BLNK: variants seen among roughly 807,000 people sequenced by gnomAD.
BLNK encodes the protein B-cell linker protein.
A neutral mutation model predicts 73.5 loss-of-function variants in BLNK; 29 were observed. The observed-to-expected ratio is 0.39, with a 90% CI of 0.29 to 0.54. The LOEUF is 0.54. BLNK is among the 20% of genes least tolerant of loss of function. The probability of loss-of-function intolerance (pLI) is 0.61; values close to 1 mark genes in which losing one functional copy is unlikely to be tolerated. For synonymous variants in BLNK, 176 were observed against 200.8 expected, an observed-to-expected ratio of 0.88 and a Z score of 1.04; for missense variants, 460 against 562.8, an observed-to-expected ratio of 0.82 and a Z score of 1.85.
rs782148631 is a variant in BLNK at position 96,216,685 on chromosome 10, G to A, written c.575C>T (p.Pro192Leu). 6.2e-7 allele frequency: 1 copy of A among 1,613,892 alleles called. No individual in the cohort carries two copies. The highest frequency in any genetic ancestry group is 8.5e-7 in the Non-Finnish European group (1 of 1,179,970). ...VEDNDENYIHPTESSSPPPEK... is the reference protein window; with the variant it reads ...VEDNDENYIHLTESSSPPPEK... ...AGGTGGAGGTGAACTGCTTTCTGTG[G>A]GATGAATATAGTTTTCATCATTATC... is the stretch of plus-strand genomic sequence containing the variant. Residue 192 changes from proline to leucine, a missense_variant, in exon 7 of 17, where the codon CCC becomes CTC. Physicochemically the swap from Pro to Leu is moderately conservative, Grantham distance 98. This residue lies in a region of BLNK where 233 missense variants were observed against 232.1 expected (regional missense o/e 1.00). Coordinates refer to ENST00000224337, the MANE Select transcript of BLNK (RefSeq NM_013314.4).
chr10:96,223,753 G>A (rs1189822248), intron 6 of BLNK, 73 bp downstream of exon 6: 8 of 1,532,560 alleles, frequency 5.2e-6, no homozygotes, highest in African/African-American at 1.4e-5. Flanking sequence ...GACAGCCAGC[G>A]GGCAGGCTGT....
At chr10:96,202,389 A>G (rs1241497267) in intron 13 of BLNK, among the ~76,000 whole-genome samples, 3 of 152,178 alleles carry the variant, frequency 2.0e-5, no homozygotes, top group African/African-American at 7.2e-5. Context: ...CAGTGGAAGC[A>G]GTGAGAGTGG....
At chr10:96,239,974 T>C (rs1842832188) in intron 3 of BLNK, among the ~76,000 whole-genome samples, 1 of 152,162 alleles carries the variant, frequency 6.6e-6, no homozygotes, top group African/African-American at 2.4e-5. Flanking sequence ...TGTTGGTTCA[T>C]CTAAAAGTGG....
At chr10:96,263,493 A>G (rs1441681354) in intron 1 of BLNK, among the ~76,000 whole-genome samples, 3 of 152,244 alleles carry the variant, frequency 2.0e-5, no homozygotes, top group Non-Finnish European at 4.4e-5. Context: ...GCATTGAAAT[A>G]GCCATGCTGG....
intron 1 of BLNK, among the ~76,000 whole-genome samples, chr10:96,249,346 G>C (rs1162002694): frequency 6.6e-6 from 1 of 152,218 alleles, no homozygotes; most frequent in African/African-American, 2.4e-5. Flanking sequence ...GTTACTTTTT[G>C]GTGCAGCAGT....
At chr10:96,236,138 C>T (rs1842681694) in intron 3 of BLNK, among the ~76,000 whole-genome samples, 1 of 152,058 alleles carries the variant, frequency 6.6e-6, no homozygotes, top group African/African-American at 2.4e-5. Flanking sequence ...AATAGGAGCA[C>T]CAGAGCCCCT....
intron 3 of BLNK, among the ~76,000 whole-genome samples, chr10:96,235,120 A>G (rs1554904852): frequency 6.6e-6 from 1 of 152,226 alleles, no homozygotes; most frequent in African/African-American, 2.4e-5. Context: ...GAGAATGGCC[A>G]CAGCGGCCCA....
intron 1 of BLNK, among the ~76,000 whole-genome samples, chr10:96,256,059 T>C (rs1554911032): frequency 1.3e-5 from 2 of 152,164 alleles, no homozygotes; most frequent in African/African-American, 4.8e-5. Context: ...GGGCCAGGCG[T>C]GGTGGTTCAT....
At chr10:96,201,392 G>C (rs587622667) in intron 13 of BLNK, among the ~76,000 whole-genome samples, 2 of 152,264 alleles carry the variant, frequency 1.3e-5, no homozygotes, top group Admixed American at 1.3e-4. Flanking sequence ...ATACATTAAA[G>C]AGATTTACAA....
intron 4 of BLNK, among the ~76,000 whole-genome samples, chr10:96,229,036 T>C (rs1273508601): frequency 6.6e-6 from 1 of 152,184 alleles, no homozygotes; most frequent in Non-Finnish European, 1.5e-5. Context: ...AACATCTGGG[T>C]AAATGGGGTA....
At chr10:96,206,728 G>A (rs1426521629) in intron 11 of BLNK, among the ~76,000 whole-genome samples, 2 of 152,116 alleles carry the variant, frequency 1.3e-5, no homozygotes, top group African/African-American at 2.4e-5. Context: ...ATGGCTCTAC[G>A]TTAGTTTTCA....
chr10:96,200,210 A>G lies in BLNK; in HGVS notation c.1012-52T>C, dbSNP rs1463451703. 1.3e-6 allele frequency: 2 copies of G among 1,487,280 alleles called. No homozygotes were observed. The highest frequency in any genetic ancestry group is 1.4e-5 in the African/African-American group (1 of 72,498). The allele number at this position is 1,487,280 out of a possible 1,614,324, so 92.1% of individuals were successfully genotyped here. On this transcript the variant is annotated intron_variant, in intron 14 of 16. Coordinates refer to ENST00000224337, the MANE Select transcript of BLNK (RefSeq NM_013314.4). This position sits in a 1 kb window ranked among gnomAD's most constrained non-coding sequence, Gnocchi z 4.3. ...ATGGGATGGTCCCTACTTAACTCTA[A>G]TTTCTGTGTACTAGAAACAAAGACC...
intron 1 of BLNK, among the ~76,000 whole-genome samples, chr10:96,271,118 C>A (rs1248901949): frequency 6.6e-6 from 1 of 152,212 alleles, no homozygotes; most frequent in African/African-American, 2.4e-5. Flanking sequence ...TTGTAAGAGG[C>A]AGCTAAAGCA....
chr10:96,229,268 C>T (rs1842404042), intron 4 of BLNK, among the ~76,000 whole-genome samples: 1 of 149,896 alleles, frequency 6.7e-6, no homozygotes, highest in Non-Finnish European at 1.5e-5. Context: ...CTCTGGTAAA[C>T]ATCATTCTAC....
intron 3 of BLNK, among the ~76,000 whole-genome samples, chr10:96,235,802 C>T (rs1270752115): frequency 6.6e-6 from 1 of 151,918 alleles, no homozygotes; most frequent in Non-Finnish European, 1.5e-5. Context: ...ATGTGTCAGC[C>T]CCAGAAGCAG....
At chr10:96,203,688 G>C (rs1211686887) in intron 13 of BLNK, 1 of 161,428 alleles carries the variant, frequency 6.2e-6, no homozygotes, top group East Asian at 1.7e-4. Flanking sequence ...ATTTAAATCG[G>C]TATTATTTGT....
intron 4 of BLNK, among the ~76,000 whole-genome samples, chr10:96,228,188 C>G (rs1409463050): frequency 6.6e-6 from 1 of 151,468 alleles, no homozygotes; most frequent in Non-Finnish European, 1.5e-5. Context: ...CAGCCTCTGC[C>G]TCCTGGGTTC....
At chr10:96,227,711 G>A (rs1037937251) in intron 4 of BLNK, 145 bp from the exon 5 acceptor site, 226 of 1,271,828 alleles carry the variant, frequency 1.8e-4, no homozygotes, top group Non-Finnish European at 2.4e-4. Context: ...CAGCCGATAA[G>A]AGGCAAAGCT....
intron 1 of BLNK, among the ~76,000 whole-genome samples, chr10:96,256,958 G>C (rs1200283660): frequency 6.7e-6 from 1 of 149,914 alleles, no homozygotes; most frequent in Admixed American, 6.6e-5. Flanking sequence ...CTTCAGGCTT[G>C]AAACTTCTGA....
Sources: allele counts gnomAD v4.1 joint callset (sites outside exome capture counted in the v4.1 genomes callset), GRCh38; gene constraint gnomAD v4.1.1; regional missense constraint gnomAD v4.1.1; non-coding constraint Gnocchi (gnomAD v3.1); transcripts MANE v1.5; gene names NCBI Gene and HGNC (gene_info 2026-07-23, HGNC 2026-07-21).